SRGAP2: variants seen among roughly 807,000 people sequenced by gnomAD.
SRGAP2 encodes SLIT-ROBO Rho GTPase-activating protein 2.
In SRGAP2, 15 loss-of-function variants were observed where a neutral mutation model predicts 57.2. The observed-to-expected ratio is 0.26, with a 90% confidence interval of 0.18 to 0.40. The LOEUF is 0.40. SRGAP2 is among the 10% of genes least tolerant of loss of function. The pLI is 1.00. For missense variants in SRGAP2, 520 were observed against 669.6 expected (o/e 0.78, Z 2.47); for synonymous variants, 249 against 248.0 (o/e 1.00, Z -0.04).
intron 3 of SRGAP2, among the ~76,000 whole-genome samples, chr1:206,338,782 GT>G (rs1467633975): frequency 9.9e-6 from 1 of 101,408 alleles, no homozygotes; most frequent in Non-Finnish European, 1.9e-5. Flanking sequence ...ACAGGATCTA[GT>G]GCTGGTTTTT....
intron 2 of SRGAP2, among the ~76,000 whole-genome samples, chr1:206,268,149 A>G (rs1306950607): frequency 6.6e-6 from 1 of 151,102 alleles, no homozygotes; most frequent in Non-Finnish European, 1.5e-5. Context: ...GTTTTGTTAC[A>G]TATGTATACA....
chr1:206,414,235 C>T (rs1490863894), intron 10 of SRGAP2, among the ~76,000 whole-genome samples: 1 of 151,816 alleles, frequency 6.6e-6, no homozygotes, highest in Non-Finnish European at 1.5e-5. Context: ...TGGGGTTTCA[C>T]CATGTTGGCC....
chr1:206,428,293 T>TGTATTCCCA (rs1553367056), intron 13 of SRGAP2, among the ~76,000 whole-genome samples: 3 of 151,394 alleles, frequency 2.0e-5, no homozygotes, highest in Non-Finnish European at 4.4e-5. Flanking sequence ...GGCAGGTGCC[T>TGTATTCCCA]GTATTCCCAG....
chr1:206,425,846 C>CTTT (rs34299579), intron 13 of SRGAP2, among the ~76,000 whole-genome samples: 1 of 134,350 alleles, frequency 7.4e-6, no homozygotes, highest in Non-Finnish European at 1.6e-5. Flanking sequence ...AACCTCACTT[C>CTTT]TTTTTTTTTT....
intron 2 of SRGAP2, among the ~76,000 whole-genome samples, chr1:206,253,573 C>CTTTTTTTTTTTTTT (rs71264673): frequency 8.9e-5 from 9 of 101,664 alleles, no homozygotes; most frequent in Non-Finnish European, 1.1e-4. Context: ...TTCTTTCTTT[C>CTTTTTTTTTTTTTT]TTTTTTTTTT....
At chr1:206,404,569 C>T (rs1263625383) in intron 8 of SRGAP2, among the ~76,000 whole-genome samples, 37 of 149,786 alleles carry the variant, frequency 2.5e-4, no homozygotes, top group Non-Finnish European at 1.8e-4. Context: ...GTGGAACAGC[C>T]ATTCCTTCAC....
At chr1:206,416,955 A>G (rs782320303) in intron 11 of SRGAP2, among the ~76,000 whole-genome samples, 3 of 151,928 alleles carry the variant, frequency 2.0e-5, no homozygotes, top group Non-Finnish European at 4.4e-5. Flanking sequence ...AGTGTGCAAT[A>G]CTCCTTGGCT....
At chr1:206,443,544 T>C (rs1373244884) in intron 17 of SRGAP2, among the ~76,000 whole-genome samples, 1 of 152,112 alleles carries the variant, frequency 6.6e-6, no homozygotes, top group African/African-American at 2.4e-5. Context: ...CAGACTAATT[T>C]TTTTGTATTT....
intron 18 of SRGAP2, 44 bp from the exon 19 acceptor site, chr1:206,450,342 A>T (rs1392899585): frequency 1.3e-6 from 1 of 777,358 alleles, no homozygotes; most frequent in African/African-American, 1.7e-5. Context: ...CAAGAATTTT[A>T]TGAGCACATG....
intron 17 of SRGAP2, among the ~76,000 whole-genome samples, chr1:206,442,373 C>G (rs753403772): frequency 6.6e-6 from 1 of 152,202 alleles, no homozygotes; most frequent in Non-Finnish European, 1.5e-5. Flanking sequence ...TTAGTCCCTT[C>G]AGGGCTACCA....
chr1:206,307,186 G>A (rs1182172848), intron 3 of SRGAP2, among the ~76,000 whole-genome samples: 1 of 152,266 alleles, frequency 6.6e-6, no homozygotes, highest in Non-Finnish European at 1.5e-5. Context: ...TAGATATAGA[G>A]TGCCGATTGG....
At chr1:206,385,649 G>T (rs1301797045) in intron 5 of SRGAP2, among the ~76,000 whole-genome samples, 2 of 150,590 alleles carry the variant, frequency 1.3e-5, no homozygotes, top group East Asian at 3.9e-4. Flanking sequence ...CTCTTCATAT[G>T]CTGTGCTTTA....
intron 2 of SRGAP2, among the ~76,000 whole-genome samples, chr1:206,259,861 A>G (rs1398463302): frequency 2.7e-5 from 3 of 109,604 alleles, no homozygotes; most frequent in African/African-American, 1.1e-4. Context: ...GTCCTGAACA[A>G]TAGCTTCCCC....
intron 10 of SRGAP2, chr1:206,407,120 G>A (rs1451563175): frequency 2.7e-5 from 1 of 37,386 alleles, no homozygotes; most frequent in Admixed American, 2.8e-4. Flanking sequence ...TCTTATTCAT[G>A]TATCTCTAGT....
chr1:206,456,290 A>G (rs530393829), intron 21 of SRGAP2: 15 of 152,254 alleles, frequency 9.9e-5, no homozygotes, highest in Non-Finnish European at 1.6e-4. Flanking sequence ...TCACTTACTC[A>G]GTGTAGTTAT....
At chr1:206,341,061 A>G (rs1297577306) in intron 3 of SRGAP2, among the ~76,000 whole-genome samples, 9 of 152,224 alleles carry the variant, frequency 5.9e-5, no homozygotes, top group South Asian at 2.1e-4. Context: ...GGTTTGAAGT[A>G]ACTTCTTGGT....
At chr1:206,392,179 G>A (rs1416335421) in intron 5 of SRGAP2, among the ~76,000 whole-genome samples, 2 of 151,250 alleles carry the variant, frequency 1.3e-5, no homozygotes, top group African/African-American at 4.9e-5. Context: ...CAGAATGCCA[G>A]GCCGGTAAAA....
At chr1:206,364,599 C>T (rs1179131939) in intron 4 of SRGAP2, among the ~76,000 whole-genome samples, 2 of 151,684 alleles carry the variant, frequency 1.3e-5, no homozygotes, top group Non-Finnish European at 2.9e-5. Context: ...CTGCACCCGG[C>T]CCTGGGTTGC....
intron 2 of SRGAP2, among the ~76,000 whole-genome samples, chr1:206,209,686 T>C (rs1318873401): frequency 6.6e-6 from 1 of 151,340 alleles, no homozygotes; most frequent in African/African-American, 2.4e-5. Flanking sequence ...CATATGTAGT[T>C]GTCCGTCAGT....
Sources: gnomAD v4.1 joint callset for allele counts (sites outside exome capture counted in the v4.1 genomes callset) on GRCh38, gnomAD v4.1.1 for gene constraint, MANE v1.5 for transcripts, NCBI Gene and HGNC (gene_info 2026-07-23, HGNC 2026-07-21) for gene names.